IL1RAPL2: variants seen among roughly 807,000 people sequenced by gnomAD.
The protein encoded by IL1RAPL2 is interleukin 1 receptor accessory protein like 2.
IL1RAPL2 carries 3 observed loss-of-function variants against 44.1 expected under a neutral mutation model. The observed-to-expected ratio is 0.07, with a 90% CI of 0.03 to 0.18. The LOEUF (loss-of-function observed/expected upper bound fraction) is 0.18. Ranked by LOEUF, IL1RAPL2 falls within the 10% of genes least tolerant of loss-of-function variation. The pLI, the probability that IL1RAPL2 is intolerant of heterozygous loss-of-function variation, is 1.00. For missense variants in IL1RAPL2, 391 were observed against 496.4 expected (o/e 0.79, Z 2.02); for synonymous variants, 181 against 178.8 (o/e 1.01, Z -0.10).
At chrX:105,663,636 A>G (rs928441963) in intron 6 of IL1RAPL2, among the ~76,000 whole-genome samples, 15 of 111,858 alleles carry the variant, frequency 1.3e-4, no homozygotes, top group African/African-American at 4.9e-4. Context: ...TTATTCATGT[A>G]GTTTTCATTG....
chrX:105,667,814 C>T (rs1413447774), intron 6 of IL1RAPL2, among the ~76,000 whole-genome samples: 1 of 111,124 alleles, frequency 9.0e-6, no homozygotes, highest in Non-Finnish European at 1.9e-5. Flanking sequence ...CTACGGGGAG[C>T]CAAATACCGT....
At chrX:104,833,654 A>T (rs1278413052) in intron 2 of IL1RAPL2, among the ~76,000 whole-genome samples, 4 of 111,463 alleles carry the variant, frequency 3.6e-5, no homozygotes, top group Non-Finnish European at 7.5e-5. Context: ...AGTTGTGCCA[A>T]GAGTGTAGCA....
At chrX:105,735,465 A>G (rs749085299) in intron 7 of IL1RAPL2, among the ~76,000 whole-genome samples, 1 of 111,720 alleles carries the variant, frequency 9.0e-6, no homozygotes, top group South Asian at 3.7e-4. Flanking sequence ...CTAAGGTCAT[A>G]TGAAATATAT....
At chrX:104,958,452 T>C (rs2029942961) in intron 2 of IL1RAPL2, among the ~76,000 whole-genome samples, 1 of 106,549 alleles carries the variant, frequency 9.4e-6, no homozygotes, top group Non-Finnish European at 1.9e-5. Flanking sequence ...TCTGGGTTGC[T>C]GCTTAGGTAA....
At chrX:104,945,884 A>G (rs189058331) in intron 2 of IL1RAPL2, among the ~76,000 whole-genome samples, 141 of 109,042 alleles carry the variant, frequency 1.3e-3, no homozygotes, top group African/African-American at 4.6e-3. Context: ...CATACAACCC[A>G]CTTTCTTTTT....
chrX:105,193,567 GT>G (rs1391260022), intron 2 of IL1RAPL2, among the ~76,000 whole-genome samples: 1 of 112,070 alleles, frequency 8.9e-6, no homozygotes, highest in Non-Finnish European at 1.9e-5. Context: ...TGTATCACTA[GT>G]AATTTATAAT....
chrX:104,988,493 C>A (rs1259804525), intron 2 of IL1RAPL2, among the ~76,000 whole-genome samples: 2 of 111,826 alleles, frequency 1.8e-5, no homozygotes, highest in Non-Finnish European at 3.8e-5. Flanking sequence ...CTCTAGAATT[C>A]ATTTTATTAT....
chrX:105,690,225 A>T (rs1485678450), intron 6 of IL1RAPL2, among the ~76,000 whole-genome samples: 3 of 111,416 alleles, frequency 2.7e-5, no homozygotes, highest in Non-Finnish European at 3.8e-5. Flanking sequence ...AATAACAAAA[A>T]TTTTTTTAAT....
chrX:105,081,808 A>G (rs762394219), intron 2 of IL1RAPL2, among the ~76,000 whole-genome samples: 11 of 112,156 alleles, frequency 9.8e-5, no homozygotes, highest in Non-Finnish European at 1.9e-4. Flanking sequence ...CCAGCCTTGC[A>G]TCCCAGGGAT....
intron 3 of IL1RAPL2, among the ~76,000 whole-genome samples, chrX:105,198,463 T>C (rs1441074349): frequency 8.9e-6 from 1 of 112,243 alleles, no homozygotes; most frequent in Non-Finnish European, 1.9e-5. Context: ...TCGATTTACG[T>C]AGTTATTGCA....
chrX:105,392,118 A>C (rs2035529612), intron 5 of IL1RAPL2, among the ~76,000 whole-genome samples: 1 of 108,610 alleles, frequency 9.2e-6, no homozygotes, highest in Non-Finnish European at 1.9e-5. Flanking sequence ...CATGTTGTGC[A>C]CATGTACCCT....
chrX:105,597,219 CA>C (rs1305776376), intron 6 of IL1RAPL2, among the ~76,000 whole-genome samples: 1 of 111,151 alleles, frequency 9.0e-6, no homozygotes, highest in East Asian at 2.8e-4. Context: ...GACATTTCTA[CA>C]AAGAAGACAT....
chrX:105,085,135 T>C (rs1226147772), intron 2 of IL1RAPL2, among the ~76,000 whole-genome samples: 2 of 112,145 alleles, frequency 1.8e-5, no homozygotes, highest in African/African-American at 6.5e-5. Flanking sequence ...AGTATCTTTA[T>C]AGCTGTGTGA....
chrX:104,633,971 T>G (rs755623300), intron 1 of IL1RAPL2, among the ~76,000 whole-genome samples: 83 of 111,377 alleles, frequency 7.5e-4, no homozygotes, highest in African/African-American at 2.2e-3. Context: ...GCTTTCTCTT[T>G]TGGGCATTTA....
At chrX:104,761,908 TCTCCTTCTC>T (rs1932451551) in intron 2 of IL1RAPL2, among the ~76,000 whole-genome samples, 1 of 50,143 alleles carries the variant, frequency 2.0e-5, no homozygotes, top group Admixed American at 2.0e-4. Context: ...TCCTTCTCCT[TCTCCTTCTC>T]CTTCTCCTTC....
chrX:104,912,158 CTTTG>C (rs1924260170), intron 2 of IL1RAPL2, among the ~76,000 whole-genome samples: 2 of 103,042 alleles, frequency 1.9e-5, no homozygotes, highest in Non-Finnish European at 4.0e-5. Flanking sequence ...TCTTTTTTTC[CTTTG>C]TTTTGTTTTG....
chrX:105,767,563 C>T lies in IL1RAPL2; in HGVS notation c.1963C>T (p.Leu655Phe). 1 of 1,208,402 alleles carries T rather than the reference C, an allele frequency of 8.3e-7. No individual in the cohort carries two copies. Among genetic ancestry groups the T allele is most frequent in the East Asian group, 3.0e-5 (1 of 33,736 alleles). ...GACGCTACTCAACGGACAGCTACCCCTTAATAACACCCTGAAAGATACCCA... is the reference window on the plus strand; with the variant it reads ...GACGCTACTCAACGGACAGCTACCCTTTAATAACACCCTGAAAGATACCCA... ...PLTLLNGQLPLNNTLKDTQEF... is the reference protein window; with the variant it reads ...PLTLLNGQLPFNNTLKDTQEF... The change falls in exon 11 of 11, where the codon CTT (leucine) becomes TTT (phenylalanine). Residue 655 changes from leucine (L) to phenylalanine (F), a missense_variant. This residue lies in a region of IL1RAPL2 where 232 missense variants were observed against 244.8 expected (regional missense o/e 0.95). Transcript: ENST00000372582.
At chrX:105,132,812 T>G (rs962759060) in intron 2 of IL1RAPL2, among the ~76,000 whole-genome samples, 3 of 111,591 alleles carry the variant, frequency 2.7e-5, no homozygotes, top group African/African-American at 9.7e-5. Context: ...TGGGCAAACT[T>G]ACTAGGGGGA....
chrX:105,318,053 A>G (rs1279356976), intron 5 of IL1RAPL2, among the ~76,000 whole-genome samples: 2 of 108,140 alleles, frequency 1.8e-5, no homozygotes, highest in Admixed American at 9.9e-5. Flanking sequence ...GCTCACTGCA[A>G]GCTCCGCCTC....
Sources: allele counts gnomAD v4.1 joint callset (sites outside exome capture counted in the v4.1 genomes callset), GRCh38; gene constraint gnomAD v4.1.1; regional missense constraint gnomAD v4.1.1; transcripts MANE v1.5; gene names NCBI Gene and HGNC (gene_info 2026-07-23, HGNC 2026-07-21).